The following SMOC2 variants were observed in gnomAD, a reference collection of about 807,000 sequenced individuals.
SMOC2 encodes the protein SPARC-related modular calcium-binding protein 2.
A neutral mutation model predicts 61.4 loss-of-function variants in SMOC2; 39 were observed. The observed-to-expected ratio is 0.64, with a 90% CI of 0.49 to 0.83. The LOEUF is 0.83. Among genes scored for constraint, SMOC2 ranks in the 40% least tolerant of loss-of-function variants. The pLI, the probability that SMOC2 is intolerant of heterozygous loss-of-function variation, is 0.00. For synonymous variants in SMOC2, 247 were observed against 239.9 expected, an observed-to-expected ratio of 1.03 and a Z score of -0.27; for missense variants, 556 against 592.9, an observed-to-expected ratio of 0.94 and a Z score of 0.65.
chr6:168,547,294 A>G (rs147833801), intron 6 of SMOC2, 125 bp downstream of exon 6: 10,744 of 772,324 alleles, frequency 0.014, 107 homozygotes, highest in Middle Eastern at 0.024. Context: ...CATGCCAGAC[A>G]CAGACAGAAA....
chr6:168,637,292 C>CCG (rs1786763698), intron 9 of SMOC2, among the ~76,000 whole-genome samples: 2 of 152,026 alleles, frequency 1.3e-5, no homozygotes. Flanking sequence ...GCCAGGGTGG[C>CCG]CGCGGCCTTC....
At chr6:168,481,318 A>G (rs909686133) in intron 1 of SMOC2, among the ~76,000 whole-genome samples, 8 of 152,160 alleles carry the variant, frequency 5.3e-5, no homozygotes, top group African/African-American at 1.9e-4. Flanking sequence ...ACATAGTAGC[A>G]GAATGAACAG....
chr6:168,601,557 G>A lies in SMOC2; in HGVS notation c.824+2553G>A, dbSNP rs145379562. 3.3e-5 allele frequency among the ~76,000 whole-genome samples: 5 copies of A among 152,282 alleles called. No homozygotes were observed. In the East Asian group the frequency reaches 7.7e-4, roughly 24 times the overall value. On this transcript the variant is annotated intron_variant, in intron 8 of 12. Transcript: ENST00000356284. Reference sequence around the variant, plus strand: ...AGGGAGTACTGTTTTCTAAGAAACCGTTCTTGGAAGCAATGTTTCTGCGTA... The same window carrying A: ...AGGGAGTACTGTTTTCTAAGAAACCATTCTTGGAAGCAATGTTTCTGCGTA...
chr6:168,551,519 T>A (rs1286721612), intron 7 of SMOC2, among the ~76,000 whole-genome samples: 13 of 152,004 alleles, frequency 8.6e-5, no homozygotes, highest in Admixed American at 8.5e-4. Flanking sequence ...AGCAGCACAA[T>A]CTTGGCTCAC....
chr6:168,589,696 G>T (rs111861232), intron 7 of SMOC2, among the ~76,000 whole-genome samples: 43 of 121,074 alleles, frequency 3.6e-4, no homozygotes, highest in Admixed American at 5.3e-4. Flanking sequence ...CGGCCTGGTG[G>T]TGGTCAGGTG....
In SMOC2 at chr6:168,592,577, AGG is replaced by A. The variant is rs1341592268; in HGVS notation, c.638-6238_638-6237del. On this transcript the variant is annotated intron_variant, in intron 7 of 12. Coordinates refer to ENST00000356284, the MANE Select transcript of SMOC2 (RefSeq NM_001166412.2). ...TCCTCCTCCTTCCTGAGGCCTCACGAGGGGCATCTTTCTAGAGGATCGCGGAG... is the reference window on the plus strand; with the variant it reads ...TCCTCCTCCTTCCTGAGGCCTCACGAGGCATCTTTCTAGAGGATCGCGGAG... Among the ~76,000 whole-genome samples the A allele has an allele frequency of 9.6e-4, 70 of 72,664 alleles. 7 individuals carry two copies. Among genetic ancestry groups the A allele is most frequent in the Non-Finnish European group, 1.5e-3 (51 of 34,514 alleles). 47.7% of individuals were successfully genotyped at this position (72,664 alleles called of 152,430 possible).
In SMOC2 at chr6:168,634,523, A is replaced by G. The variant is rs6915911; in HGVS notation, c.908-16158A>G. Among the ~76,000 whole-genome samples the G allele has an allele frequency of 9.9e-3, 1,501 of 152,254 alleles. 20 individuals are homozygous for G. Among genetic ancestry groups the G allele is most frequent in the African/African-American group, 0.034 (1,430 of 41,532 alleles). On this transcript the variant is annotated intron_variant, in intron 9 of 12. Coordinates refer to ENST00000356284, the MANE Select transcript of SMOC2 (RefSeq NM_001166412.2). ...TTCGAGTCTGAAATGAACACCGCAA[A>G]CAACCCTCACTGAAGAGAACGTTGT...
intron 1 of SMOC2, among the ~76,000 whole-genome samples, chr6:168,485,730 A>C (rs1453889853): frequency 6.6e-6 from 1 of 152,166 alleles, no homozygotes; most frequent in Non-Finnish European, 1.5e-5. Context: ...AGATGATGAA[A>C]AAAATTTTAA....
At chr6:168,519,887 TCTTAA>T (rs764511633) in intron 2 of SMOC2, among the ~76,000 whole-genome samples, 10 of 152,280 alleles carry the variant, frequency 6.6e-5, no homozygotes, top group East Asian at 1.9e-4. Flanking sequence ...TTGCAGTTTC[TCTTAA>T]CTTTCTCTTT....
intron 7 of SMOC2, among the ~76,000 whole-genome samples, chr6:168,595,633 A>G (rs540756407): frequency 1.3e-5 from 2 of 152,300 alleles, no homozygotes; most frequent in South Asian, 4.1e-4. Flanking sequence ...CATTTCTCCA[A>G]TGAGTCTGAA....
chr6:168,566,443 G>A (rs998647914), intron 7 of SMOC2, among the ~76,000 whole-genome samples: 5 of 149,554 alleles, frequency 3.3e-5, no homozygotes, highest in African/African-American at 9.9e-5. Context: ...AGCCTCAGAC[G>A]AATTTTCAGG....
chr6:168,585,643 T>G lies in SMOC2; in HGVS notation c.638-13175T>G, dbSNP rs148737779. ...AGGAGGAATGTCCGAGGCCTCCCAC[T>G]GCTCCTCAGCTCAGCTGGCCTGTGG... On this transcript the variant is annotated intron_variant, in intron 7 of 12. Transcript: ENST00000356284. Among the ~76,000 whole-genome samples, 849 of 152,348 alleles carry G rather than the reference T, an allele frequency of 5.6e-3. 9 individuals carry two copies. The highest frequency in any genetic ancestry group is 0.02 in the African/African-American group (812 of 41,582).
At chr6:168,560,131 C>T (rs1483878720) in intron 7 of SMOC2, among the ~76,000 whole-genome samples, 3 of 152,160 alleles carry the variant, frequency 2.0e-5, no homozygotes, top group Non-Finnish European at 2.9e-5. Context: ...TTTTCCTTAG[C>T]TCTGTTACTT....
intron 11 of SMOC2, among the ~76,000 whole-genome samples, chr6:168,655,963 G>A (rs1394327795): frequency 6.6e-6 from 1 of 151,748 alleles, no homozygotes; most frequent in African/African-American, 2.4e-5. Flanking sequence ...GTATGTGTGT[G>A]CTAGATCCCA....
At chr6:168,658,239 G>C (rs890468464) in intron 11 of SMOC2, among the ~76,000 whole-genome samples, 12 of 152,132 alleles carry the variant, frequency 7.9e-5, no homozygotes, top group Non-Finnish European at 7.3e-5. Context: ...ACATTCTGCT[G>C]TTGCCCCATC....
At chr6:168,495,763 CCCTGGCAGCCTCACCCA>C (rs1287062211) in intron 1 of SMOC2, among the ~76,000 whole-genome samples, 2 of 152,156 alleles carry the variant, frequency 1.3e-5, no homozygotes, top group Non-Finnish European at 2.9e-5. Context: ...CTGCGCGGTT[CCCTGGCAGCCTCACCCA>C]CCTGCAGGGT....
intron 11 of SMOC2, among the ~76,000 whole-genome samples, 193 bp from the exon 12 acceptor site, chr6:168,663,881 T>TA (rs1422597302): frequency 3.3e-5 from 5 of 152,184 alleles, no homozygotes; most frequent in Non-Finnish European, 7.3e-5. Context: ...AGGATTTTGA[T>TA]ATGCAGGGGT....
At chr6:168,504,865 G>C (rs971644330) in intron 1 of SMOC2, among the ~76,000 whole-genome samples, 1 of 152,108 alleles carries the variant, frequency 6.6e-6, no homozygotes. Flanking sequence ...GTTTAAGCTG[G>C]GTCTGACTTT....
At chr6:168,608,305 G>A (rs780327072) in intron 9 of SMOC2, 66 bp downstream of exon 9, 29 of 1,511,286 alleles carry the variant, frequency 1.9e-5, no homozygotes, top group Non-Finnish European at 2.5e-5. Context: ...TGCAAATTTG[G>A]AATGAAAAAG....
Sources: gnomAD v4.1 joint callset for allele counts (sites outside exome capture counted in the v4.1 genomes callset) on GRCh38, gnomAD v4.1.1 for gene constraint, MANE v1.5 for transcripts, NCBI Gene and HGNC (gene_info 2026-07-23, HGNC 2026-07-21) for gene names.